Variants in GLT1D1 observed in about 807,000 individuals in gnomAD.
GLT1D1 encodes glycosyltransferase 1 domain-containing protein 1.
A neutral mutation model predicts 28.7 loss-of-function variants in GLT1D1; 21 were observed. The ratio of observed to expected loss-of-function variants is 0.73; its 90% CI spans 0.52 to 1.05. GLT1D1 has a LOEUF of 1.05. Among genes scored for constraint, GLT1D1 ranks in the 50% least tolerant of loss-of-function variants. The pLI is 0.00. For missense variants in GLT1D1, 343 were observed against 330.6 expected, an observed-to-expected ratio of 1.04 and a Z score of -0.29; for synonymous variants, 147 against 124.8, an observed-to-expected ratio of 1.18 and a Z score of -1.19.
chr12:128,875,983 G>A lies in GLT1D1; in HGVS notation c.138G>A (p.Glu46=), dbSNP rs1956860159. Residue 46 remains glutamate, a synonymous_variant, in exon 2 of 8, where the codon GAG becomes GAA. Coordinates refer to ENST00000281703, the MANE Select transcript of GLT1D1 (RefSeq NM_144669.3). ...CCTTTGACTTTGAAAGCCGATCTGA[G>A]ATTGCAAACCTCATCTTGGCTGAGA... is the stretch of plus-strand genomic sequence containing the variant. The A allele has an allele frequency of 3.7e-6, 6 of 1,613,934 alleles. No homozygotes were observed. The highest frequency in any genetic ancestry group is 3.3e-5 in the South Asian group (3 of 91,084).
intron 1 of GLT1D1, among the ~76,000 whole-genome samples, chr12:128,874,124 C>CCCTT (rs1555261647): frequency 2.5e-4 from 10 of 39,282 alleles, no homozygotes; most frequent in African/African-American, 1.1e-3. Flanking sequence ...CTCTCTCTCT[C>CCCTT]TCTTTCTTTC....
At chr12:128,900,666 C>T (rs1019713629) in intron 4 of GLT1D1, among the ~76,000 whole-genome samples, 2 of 149,086 alleles carry the variant, frequency 1.3e-5, no homozygotes, top group Non-Finnish European at 3.0e-5. Flanking sequence ...GACAGAGTCT[C>T]ACTCTGTCAC....
intron 7 of GLT1D1, among the ~76,000 whole-genome samples, chr12:128,960,332 A>G (rs1877805099): frequency 6.6e-6 from 1 of 152,122 alleles, no homozygotes; most frequent in Non-Finnish European, 1.5e-5. Context: ...TTTACCTAGC[A>G]TGGGGTAGGA....
intron 4 of GLT1D1, among the ~76,000 whole-genome samples, chr12:128,936,721 G>A (rs1040512158): frequency 9.9e-5 from 15 of 152,084 alleles, no homozygotes; most frequent in Middle Eastern, 3.2e-3. Flanking sequence ...TTCTTATATC[G>A]AAGATTACTT....
At chr12:128,889,443 T>G (rs1868779729) in intron 3 of GLT1D1, among the ~76,000 whole-genome samples, 1 of 152,128 alleles carries the variant, frequency 6.6e-6, no homozygotes, top group East Asian at 1.9e-4. Context: ...GGGGTCACTG[T>G]GATAATCCTG....
chr12:128,912,390 T>C (rs1257009232), intron 4 of GLT1D1, 34 bp from the exon 5 acceptor site: 1 of 1,459,366 alleles, frequency 6.9e-7, no homozygotes, highest in Admixed American at 2.0e-5. Context: ...CTGTCCAATG[T>C]ACTTTTCTTT....
At chr12:128,979,783 T>TA (rs1880141150) in intron 7 of GLT1D1, among the ~76,000 whole-genome samples, 1 of 151,986 alleles carries the variant, frequency 6.6e-6, no homozygotes, top group Non-Finnish European at 1.5e-5. Context: ...ATGCACTTAA[T>TA]ACACCAACCT....
chr12:128,973,809 G>A lies in GLT1D1; in HGVS notation c.640-9120G>A, dbSNP rs141662596. 8.9e-4 allele frequency among the ~76,000 whole-genome samples: 135 copies of A among 152,160 alleles called. No individual in the cohort carries two copies. In the Middle Eastern group the frequency reaches 0.017, roughly 19 times the overall value. On this transcript the variant is annotated intron_variant, in intron 7 of 7. Coordinates refer to ENST00000281703, the MANE Select transcript of GLT1D1 (RefSeq NM_144669.3). ...TCGGCCCATCGTCTGGAAAGTGAGCGAATGAGAAGCACAGAAAATATTCCT... is the reference window on the plus strand; with the variant it reads ...TCGGCCCATCGTCTGGAAAGTGAGCAAATGAGAAGCACAGAAAATATTCCT...
rs182954306 is a variant in GLT1D1, at chr12:128,978,729, G to A, written c.640-4200G>A. Among the ~76,000 whole-genome samples the A allele has an allele frequency of 2.6e-5, 4 of 152,250 alleles. No individual in the cohort carries two copies. The East Asian group carries it at 7.7e-4, about 29-fold the overall frequency. On this transcript the variant is annotated intron_variant, in intron 7 of 7. Transcript: ENST00000281703. ...TAGGAAAGTGAGGGAGTAGAAGAAT[G>A]GCTACTCCGTAGACAGAGCACCGTG...
In GLT1D1 at chr12:128,967,720, C is replaced by T. The variant is rs562477020; in HGVS notation, c.639+10077C>T. ...CTTACTTCGAGTTACGTTCTACTTA[C>T]GGATTTGGGGAGGCCACTGGCCAAC... is the stretch of plus-strand genomic sequence containing the variant. On this transcript the variant is annotated intron_variant, in intron 7 of 7. Coordinates refer to ENST00000281703, the MANE Select transcript of GLT1D1 (RefSeq NM_144669.3). Among the ~76,000 whole-genome samples the T allele has an allele frequency of 9.8e-4, 149 of 152,322 alleles. 1 individual carries two copies. The highest frequency in any genetic ancestry group is 3.5e-3 in the African/African-American group (146 of 41,574).
At chr12:128,917,053 T>C (rs1016864917) in intron 4 of GLT1D1, among the ~76,000 whole-genome samples, 7 of 152,356 alleles carry the variant, frequency 4.6e-5, no homozygotes, top group Middle Eastern at 3.4e-3. Flanking sequence ...ATCTGTTTTT[T>C]TTTCTTAACA....
intron 4 of GLT1D1, among the ~76,000 whole-genome samples, chr12:128,920,634 G>A (rs539100771): frequency 3.3e-5 from 5 of 152,182 alleles, no homozygotes; most frequent in East Asian, 1.9e-4. Context: ...CTGCCTCAGC[G>A]TGGATTGGGT....
At chr12:128,972,762 T>C (rs1879310433) in intron 7 of GLT1D1, among the ~76,000 whole-genome samples, 1 of 152,244 alleles carries the variant, frequency 6.6e-6, no homozygotes, top group African/African-American at 2.4e-5. Context: ...CTGAGGTTCA[T>C]ACTCTGCTTT....
rs11615440 is a variant in GLT1D1, at chr12:128,922,234, C to A, written c.375+22947C>A. Among the ~76,000 whole-genome samples the A allele has an allele frequency of 6.8e-3, 1,031 of 151,474 alleles. 11 individuals are homozygous for A. Among genetic ancestry groups the A allele is most frequent in the African/African-American group, 0.024 (980 of 41,282 alleles). On this transcript the variant is annotated intron_variant, in intron 4 of 7. Coordinates refer to ENST00000281703, the MANE Select transcript of GLT1D1 (RefSeq NM_144669.3). ...GTGTGCTGGGCTAAGGCTTCCTCCC[C>A]TAGTTAAACTGGTATTCCCTGGTTT...
At chr12:128,894,880 TTA>T (rs146781273) in intron 3 of GLT1D1, among the ~76,000 whole-genome samples, 50 of 148,446 alleles carry the variant, frequency 3.4e-4, no homozygotes, top group African/African-American at 8.3e-4. Context: ...ATATTAAAAA[TTA>T]TATATATATA....
chr12:128,946,143 C>T (rs12818447), intron 5 of GLT1D1, among the ~76,000 whole-genome samples: 17,962 of 152,028 alleles, frequency 0.12, 1,223 homozygotes, highest in Non-Finnish European at 0.15. Flanking sequence ...ATCACCTGCT[C>T]GGGGAAGGGA....
chr12:128,939,032 GCAAA>G (rs999950413), intron 4 of GLT1D1, among the ~76,000 whole-genome samples: 61 of 152,220 alleles, frequency 4.0e-4, no homozygotes, highest in African/African-American at 1.4e-3. Context: ...ACCTCAGTAA[GCAAA>G]CTTACCTGAG....
chr12:128,983,114 G>A lies in GLT1D1; in HGVS notation c.*24G>A. The A allele has an allele frequency of 6.2e-7, 1 of 1,607,896 alleles. No individual in the cohort carries two copies. Among genetic ancestry groups the A allele is most frequent in the Non-Finnish European group, 8.5e-7 (1 of 1,175,898 alleles). On this transcript the variant is annotated 3_prime_UTR_variant, in exon 8 of 8. Transcript: ENST00000281703. This position sits in a 1 kb window ranked among gnomAD's most constrained non-coding sequence, Gnocchi z 4.7. ...GAGGGCCCCGCCTCATCAGACACCT[G>A]CTCTCTGACACACAGCTCTGGGTGC... is the stretch of plus-strand genomic sequence containing the variant.
chr12:128,894,880 T>TTA (rs146781273), intron 3 of GLT1D1, among the ~76,000 whole-genome samples: 6,070 of 148,446 alleles, frequency 0.041, 246 homozygotes, highest in Admixed American at 0.12. Flanking sequence ...ATATTAAAAA[T>TTA]TATATATATA....
Sources: allele counts gnomAD v4.1 joint callset (sites outside exome capture counted in the v4.1 genomes callset), GRCh38; gene constraint gnomAD v4.1.1; non-coding constraint Gnocchi (gnomAD v3.1); transcripts MANE v1.5; gene names NCBI Gene and HGNC (gene_info 2026-07-23, HGNC 2026-07-21).